Variants in LRBA observed in about 807,000 individuals in gnomAD.
LRBA encodes lipopolysaccharide-responsive and beige-like anchor protein.
Under a neutral mutation model 330.0 loss-of-function variants are expected in LRBA, and 176 were observed. The observed-to-expected ratio is 0.53, with a 90% CI of 0.47 to 0.60. The LOEUF (loss-of-function observed/expected upper bound fraction) is 0.60. Among genes scored for constraint, LRBA ranks in the 20% least tolerant of loss-of-function variants. LRBA has a pLI of 0.00. For missense variants in LRBA, 3,259 were observed against 3,444.8 expected (o/e 0.95, Z 1.35); for synonymous variants, 1,230 against 1,193.0 (o/e 1.03, Z -0.64).
intron 47 of LRBA, among the ~76,000 whole-genome samples, chr4:150,386,434 G>A (rs1448800475): frequency 9.5e-6 from 1 of 105,812 alleles, no homozygotes; most frequent in Non-Finnish European, 1.8e-5. Flanking sequence ...CACCCTCCAA[G>A]AGGCCCCAGT....
intron 4 of LRBA, among the ~76,000 whole-genome samples, chr4:150,926,150 A>G (rs1183682316): frequency 6.6e-6 from 1 of 152,220 alleles, no homozygotes; most frequent in Non-Finnish European, 1.5e-5. Flanking sequence ...AGAAATCTGC[A>G]TTGACTCTTT....
rs531224118 is a variant in LRBA at position 150,442,116 on chromosome 4, C to T, written c.6781-5252G>A. On this transcript the variant is annotated intron_variant, in intron 44 of 56. Transcript: ENST00000651943. ...AGGTAAGAAAGTTCTGGGAAATTGG[C>T]AAGAAATCTCAGATTTTTTACAAAG... Among the ~76,000 whole-genome samples, 15 of 152,180 alleles carry T rather than the reference C, an allele frequency of 9.9e-5. No individual in the cohort carries two copies. The East Asian group carries it at 2.9e-3, about 29-fold the overall frequency.
intron 40 of LRBA, among the ~76,000 whole-genome samples, chr4:150,568,613 C>T (rs897092700): frequency 2.0e-5 from 3 of 152,104 alleles, no homozygotes; most frequent in African/African-American, 7.2e-5. Context: ...ATTATTTTAT[C>T]AGCACTGCAC....
chr4:150,784,106 G>T (rs1443048885), intron 34 of LRBA, among the ~76,000 whole-genome samples: 1 of 152,158 alleles, frequency 6.6e-6, no homozygotes, highest in South Asian at 2.1e-4. Flanking sequence ...CTGAGAAAAA[G>T]AAATTGTATA....
rs560616325 is a variant in LRBA, at chr4:150,504,722, G to A, written c.6331-13687C>T. On this transcript the variant is annotated intron_variant, in intron 40 of 56. Coordinates refer to ENST00000651943, the MANE Select transcript of LRBA (RefSeq NM_001364905.1). ...ATAGCCAGCTGACATCATAATGACA[G>A]GATCAAATTCACACATAACGACATT... Among the ~76,000 whole-genome samples, 9 of 152,256 alleles carry A rather than the reference G, an allele frequency of 5.9e-5. No individual in the cohort carries two copies. The South Asian group carries it at 1.9e-3, about 32-fold the overall frequency.
chr4:150,988,714 A>C (rs1741731355), intron 2 of LRBA, among the ~76,000 whole-genome samples: 1 of 151,516 alleles, frequency 6.6e-6, no homozygotes, highest in African/African-American at 2.4e-5. Context: ...GAGTAGCTGG[A>C]ACTACAGCTG....
At chr4:150,666,378 G>A (rs1464220482) in intron 37 of LRBA, among the ~76,000 whole-genome samples, 3 of 152,048 alleles carry the variant, frequency 2.0e-5, no homozygotes, top group African/African-American at 7.2e-5. Flanking sequence ...CAGGCATGGT[G>A]GTGTGTGCCT....
chr4:150,680,647 C>G (rs534905430), intron 37 of LRBA, among the ~76,000 whole-genome samples: 17 of 152,158 alleles, frequency 1.1e-4, no homozygotes, highest in South Asian at 4.1e-4. Context: ...TTCATTTGGT[C>G]TCTTTAGATG....
At chr4:150,618,577 C>T (rs1775992341) in intron 37 of LRBA, among the ~76,000 whole-genome samples, 2 of 151,876 alleles carry the variant, frequency 1.3e-5, no homozygotes, top group Admixed American at 6.6e-5. Flanking sequence ...AAGTATAAAG[C>T]CCTAAGTTTA....
At chr4:150,916,170 G>A (rs954450216) in intron 7 of LRBA, among the ~76,000 whole-genome samples, 2 of 152,226 alleles carry the variant, frequency 1.3e-5, no homozygotes, top group African/African-American at 2.4e-5. Context: ...AATAAATGCC[G>A]TAGATATTTC....
At chr4:150,905,252 G>A (rs984841666) in intron 13 of LRBA, among the ~76,000 whole-genome samples, 3 of 152,014 alleles carry the variant, frequency 2.0e-5, no homozygotes, top group South Asian at 2.1e-4. Context: ...AAATTAAAAT[G>A]ATTACGAGAC....
At chr4:150,301,960 G>A (rs1729732395) in intron 53 of LRBA, among the ~76,000 whole-genome samples, 1 of 151,990 alleles carries the variant, frequency 6.6e-6, no homozygotes, top group Admixed American at 6.6e-5. Context: ...ACTTCTTAAT[G>A]TGTTTTTCTA....
At chr4:150,766,369 C>T (rs961962531) in intron 34 of LRBA, among the ~76,000 whole-genome samples, 1 of 151,842 alleles carries the variant, frequency 6.6e-6, no homozygotes, top group Admixed American at 6.6e-5. Context: ...AAAAGAATAG[C>T]CTATATAAAA....
chr4:150,848,661 T>C (rs1278257136), intron 26 of LRBA, among the ~76,000 whole-genome samples, 157 bp downstream of exon 26: 1 of 151,798 alleles, frequency 6.6e-6, no homozygotes, highest in Non-Finnish European at 1.5e-5. Context: ...CCCATCCAAC[T>C]TACCAACTAC....
At chr4:150,493,434 T>C (rs1036950372) in intron 40 of LRBA, among the ~76,000 whole-genome samples, 2 of 152,250 alleles carry the variant, frequency 1.3e-5, no homozygotes, top group African/African-American at 4.8e-5. Flanking sequence ...ATTTTCAGAA[T>C]GACTAAATGA....
At chr4:150,957,932 C>T (rs1246892506) in intron 2 of LRBA, among the ~76,000 whole-genome samples, 1 of 149,460 alleles carries the variant, frequency 6.7e-6, no homozygotes, top group Non-Finnish European at 1.5e-5. Context: ...AGCTCCGCCC[C>T]TGTGGCTTTG....
At chr4:150,418,106 C>A (rs1748054360) in intron 46 of LRBA, among the ~76,000 whole-genome samples, 2 of 151,112 alleles carry the variant, frequency 1.3e-5, no homozygotes, top group Admixed American at 1.3e-4. Context: ...TTCACCGTAA[C>A]CTCAAACTTT....
In LRBA at chr4:150,436,664, G is replaced by C. The variant is rs2292122; in HGVS notation, c.6921+60C>G. 0.28 allele frequency: 400,802 copies of C among 1,424,334 alleles called. 60,882 individuals carry two copies. The highest frequency in any genetic ancestry group is 0.32 in the Non-Finnish European group (329,250 of 1,042,766). The allele number at this position is 1,424,334 out of a possible 1,614,324, so 88.2% of individuals were successfully genotyped here. ...AATATGCTTATGAGTTCTAATTTTT[G>C]CATATCCTTCACAACACTGAATTTA... is the stretch of plus-strand genomic sequence containing the variant. On this transcript the variant is annotated intron_variant, in intron 45 of 56. Transcript: ENST00000651943.
intron 37 of LRBA, among the ~76,000 whole-genome samples, chr4:150,678,865 A>G (rs191492086): frequency 8.5e-5 from 13 of 152,246 alleles, no homozygotes; most frequent in African/African-American, 2.6e-4. Flanking sequence ...TGCACTTATG[A>G]GTACCCATTT....
Sources: allele counts gnomAD v4.1 joint callset (sites outside exome capture counted in the v4.1 genomes callset), GRCh38; gene constraint gnomAD v4.1.1; transcripts MANE v1.5; gene names NCBI Gene and HGNC (gene_info 2026-07-23, HGNC 2026-07-21).